Variants in ZMYND8 observed in about 807,000 individuals in gnomAD.
ZMYND8 encodes the protein MYND-type zinc finger-containing chromatin reader ZMYND8.
In ZMYND8, 37 loss-of-function variants were observed where a neutral mutation model predicts 140.8. The observed-to-expected ratio is 0.26, with a 90% CI of 0.20 to 0.35. The LOEUF (loss-of-function observed/expected upper bound fraction) is 0.35, where lower values mean the gene tolerates loss of function less well. Ranked by LOEUF, ZMYND8 falls within the 10% of genes least tolerant of loss-of-function variation. The pLI, the probability that ZMYND8 is intolerant of heterozygous loss-of-function variation, is 1.00. For synonymous variants in ZMYND8, 592 were observed against 597.1 expected, an observed-to-expected ratio of 0.99 and a Z score of 0.12; for missense variants, 1,068 against 1,570.0, an observed-to-expected ratio of 0.68 and a Z score of 5.40.
chr20:47,354,645 G>A (rs1602221874), intron 1 of ZMYND8: 1 of 152,240 alleles, frequency 6.6e-6, no homozygotes, highest in South Asian at 2.1e-4. Context: ...TGGGCTACTG[G>A]ACACTCATTT....
At chr20:47,332,321 T>TA (rs1286281475) in intron 2 of ZMYND8, among the ~76,000 whole-genome samples, 22 of 150,808 alleles carry the variant, frequency 1.5e-4, no homozygotes, top group African/African-American at 4.9e-4. Flanking sequence ...AAAAAAAAAA[T>TA]AAGTTTGGCT....
intron 2 of ZMYND8, among the ~76,000 whole-genome samples, chr20:47,336,903 G>A (rs556693086): frequency 6.6e-6 from 1 of 152,226 alleles, no homozygotes; most frequent in South Asian, 2.1e-4. Flanking sequence ...CCTTCCCCCT[G>A]CATCCCCAGA....
At chr20:47,318,921 G>A (rs1226369397) in intron 2 of ZMYND8, 4 of 1,342,352 alleles carry the variant, frequency 3.0e-6, no homozygotes, top group Non-Finnish European at 3.9e-6. Flanking sequence ...AACATGCGAG[G>A]GGCAGGGAAC....
At chr20:47,275,916 A>AT (rs1233742038) in intron 11 of ZMYND8, among the ~76,000 whole-genome samples, 1 of 152,124 alleles carries the variant, frequency 6.6e-6, no homozygotes, top group African/African-American at 2.4e-5. Flanking sequence ...GTCAAGTATT[A>AT]TTTTTTATCA....
chr20:47,348,100 G>C (rs1307333918), intron 1 of ZMYND8, 174 bp from the exon 2 acceptor site: 5 of 667,666 alleles, frequency 7.5e-6, no homozygotes, highest in Non-Finnish European at 1.1e-5. Context: ...AGTCCTAAAG[G>C]AGTTTTTTAA....
At chr20:47,319,288 C>G (rs957516934) in intron 2 of ZMYND8, 1 of 319,972 alleles carries the variant, frequency 3.1e-6, no homozygotes, top group African/African-American at 2.2e-5. Context: ...CGGTGCAGTG[C>G]ACCGAAGAGC....
chr20:47,258,749 G>A (rs1294939389), intron 12 of ZMYND8, among the ~76,000 whole-genome samples: 1 of 152,064 alleles, frequency 6.6e-6, no homozygotes, highest in Non-Finnish European at 1.5e-5. Flanking sequence ...GCCCTATAAA[G>A]CATTTGTTCA....
At position 47,298,380 on chromosome 20, in the gene ZMYND8, A is replaced by G; in HGVS notation, c.453+349T>C. Reference sequence around the variant, plus strand: ...GCAGGCAACAACATCCAAGACGGAGAAAACAGAATGAGATCTTTTCAAAAT... The same window carrying G: ...GCAGGCAACAACATCCAAGACGGAGGAAACAGAATGAGATCTTTTCAAAAT... On this transcript the variant is annotated intron_variant, in intron 4 of 22. Transcript: ENST00000471951. This position sits in a 1 kb window ranked among gnomAD's most constrained non-coding sequence, Gnocchi z 5.0. The G allele has an allele frequency of 1.0e-6, 1 of 985,410 alleles. No individual in the cohort carries two copies. Among genetic ancestry groups the G allele is most frequent in the Non-Finnish European group, 1.2e-6 (1 of 829,938 alleles). The allele number at this position is 985,410 out of a possible 1,614,324, so 61.0% of individuals were successfully genotyped here. A position where few individuals can be genotyped will look rare whatever the true frequency, so the allele number is the denominator to read the frequency against.
At chr20:47,349,507 A>G (rs2082599527) in intron 1 of ZMYND8, among the ~76,000 whole-genome samples, 1 of 152,250 alleles carries the variant, frequency 6.6e-6, no homozygotes, top group Non-Finnish European at 1.5e-5. Flanking sequence ...TTCCAACTTA[A>G]GGAGAAAACA....
At chr20:47,342,041 G>T (rs184160809) in intron 2 of ZMYND8, among the ~76,000 whole-genome samples, 132 of 151,914 alleles carry the variant, frequency 8.7e-4, no homozygotes, top group African/African-American at 2.9e-3. Flanking sequence ...GCGTGGTGGT[G>T]TGTGCCTGTA....
chr20:47,313,872 G>A (rs757029748), intron 2 of ZMYND8, among the ~76,000 whole-genome samples: 158 of 152,152 alleles, frequency 1.0e-3, no homozygotes, highest in Middle Eastern at 3.4e-3. Context: ...GGCAGGGGTT[G>A]CAGTGAGCTG....
intron 4 of ZMYND8, among the ~76,000 whole-genome samples, chr20:47,296,099 T>G (rs2077619208): frequency 6.6e-6 from 1 of 152,162 alleles, no homozygotes; most frequent in South Asian, 2.1e-4. Context: ...ACGTTCAGTC[T>G]TCCCAGTTGA....
intron 3 of ZMYND8, among the ~76,000 whole-genome samples, chr20:47,308,154 G>T (rs796905208): frequency 6.7e-5 from 10 of 148,980 alleles, no homozygotes; most frequent in African/African-American, 2.5e-4. Flanking sequence ...CAGTTCCTCA[G>T]TCACTTGCCA....
intron 16 of ZMYND8, among the ~76,000 whole-genome samples, chr20:47,231,845 A>G (rs2038529499): frequency 6.6e-6 from 1 of 152,252 alleles, no homozygotes; most frequent in African/African-American, 2.4e-5. Flanking sequence ...ATACATTGCT[A>G]ATGTAATGGT....
At chr20:47,228,765 T>C (rs2038057507) in intron 17 of ZMYND8, among the ~76,000 whole-genome samples, 2 of 152,282 alleles carry the variant, frequency 1.3e-5, no homozygotes, top group South Asian at 2.1e-4. Flanking sequence ...AAAAGGTCAA[T>C]AGCTCTGCAA....
At chr20:47,321,332 G>A (rs1409188566) in intron 2 of ZMYND8, among the ~76,000 whole-genome samples, 3 of 152,168 alleles carry the variant, frequency 2.0e-5, no homozygotes, top group Non-Finnish European at 4.4e-5. Context: ...CACACCCAGG[G>A]GACATCTGGC....
intron 1 of ZMYND8, chr20:47,353,355 C>T (rs528607642): frequency 6.6e-6 from 1 of 152,266 alleles, no homozygotes; most frequent in Admixed American, 6.5e-5. Context: ...CAAGAGGCCC[C>T]CAATTGTTTC....
chr20:47,324,202 A>AG (rs2080211382), intron 2 of ZMYND8, among the ~76,000 whole-genome samples: 2 of 83,746 alleles, frequency 2.4e-5, no homozygotes, highest in African/African-American at 2.7e-4. Flanking sequence ...ACTCTGTCTC[A>AG]AAAAAAAAAA....
chr20:47,319,006 G>T, intron 2 of ZMYND8: 1 of 1,351,500 alleles, frequency 7.4e-7, no homozygotes, highest in South Asian at 1.1e-5. Context: ...GTTCAAAAGA[G>T]AACAGAGGCT....
Sources: gnomAD v4.1 joint callset for allele counts (sites outside exome capture counted in the v4.1 genomes callset) on GRCh38, gnomAD v4.1.1 for gene constraint, Gnocchi (gnomAD v3.1) non-coding constraint, MANE v1.5 for transcripts, NCBI Gene and HGNC (gene_info 2026-07-23, HGNC 2026-07-21) for gene names.